Variants in SLC22A15 observed in about 807,000 individuals in gnomAD.
SLC22A15 encodes solute carrier family 22 member 15, also known as flipt 1.
A neutral mutation model predicts 62.7 loss-of-function variants in SLC22A15; 45 were observed. The ratio of observed to expected loss-of-function variants is 0.72; its 90% confidence interval spans 0.56 to 0.92. The LOEUF is 0.92. Among genes scored for constraint, SLC22A15 ranks in the 40% least tolerant of loss-of-function variants. SLC22A15 has a pLI of 0.00. For missense variants in SLC22A15, 622 were observed against 665.6 expected, an observed-to-expected ratio of 0.93 and a Z score of 0.72; for synonymous variants, 264 against 267.0, an observed-to-expected ratio of 0.99 and a Z score of 0.11.
At chr1:115,993,426 A>AGTGTGTGTGT (rs1553216968) in intron 2 of SLC22A15, among the ~76,000 whole-genome samples, 15 of 123,056 alleles carry the variant, frequency 1.2e-4, no homozygotes, top group African/African-American at 5.5e-4. Context: ...TGAGTGTGTG[A>AGTGTGTGTGT]GAGTGTGTGT....
At chr1:115,985,961 AAAGAG>A (rs997639637) in intron 1 of SLC22A15, among the ~76,000 whole-genome samples, 16 of 151,668 alleles carry the variant, frequency 1.1e-4, no homozygotes, top group African/African-American at 3.9e-4. Context: ...AAAAAAAAAA[AAAGAG>A]AGAGAAACAG....
chr1:116,019,922 G>T (rs980034935), intron 3 of SLC22A15, among the ~76,000 whole-genome samples: 1 of 152,204 alleles, frequency 6.6e-6, no homozygotes, highest in Non-Finnish European at 1.5e-5. Context: ...CCTAGTTAAA[G>T]TCAGATATTT....
intron 8 of SLC22A15, among the ~76,000 whole-genome samples, chr1:116,057,370 C>G (rs1052089124): frequency 6.6e-6 from 1 of 151,744 alleles, no homozygotes. Flanking sequence ...CCATCTCACA[C>G]CAGTTAGAAT....
intron 4 of SLC22A15, among the ~76,000 whole-genome samples, chr1:116,021,493 T>C (rs1656835525): frequency 6.6e-6 from 1 of 152,246 alleles, no homozygotes; most frequent in Non-Finnish European, 1.5e-5. Flanking sequence ...TCTAAGACTT[T>C]ATAGACTTAG....
At chr1:116,036,082 G>T (rs1657620736) in intron 7 of SLC22A15, among the ~76,000 whole-genome samples, 1 of 152,130 alleles carries the variant, frequency 6.6e-6, no homozygotes, top group Non-Finnish European at 1.5e-5. Flanking sequence ...GGCAGGTTTG[G>T]ATTCTGTTAA....
In SLC22A15 at chr1:116,032,527, C is replaced by T. The variant is rs890882696; in HGVS notation, c.944+946C>T. 6.1e-6 allele frequency: 6 copies of T among 985,282 alleles called. No homozygotes were observed. In the African/African-American group the frequency reaches 8.7e-5, roughly 14 times the overall value. The allele number at this position is 985,282 out of a possible 1,614,324, so 61.0% of individuals were successfully genotyped here. ...TGTATAAAGCTACAAAGAATAGTAG[C>T]TTTAGAATAAGAAGCTGCAAAGATA... On this transcript the variant is annotated intron_variant, in intron 6 of 11. Coordinates refer to ENST00000369503, the MANE Select transcript of SLC22A15 (RefSeq NM_018420.3).
chr1:116,024,637 A>T (rs187754406), intron 4 of SLC22A15, among the ~76,000 whole-genome samples: 9 of 152,212 alleles, frequency 5.9e-5, no homozygotes, highest in East Asian at 1.9e-4. Flanking sequence ...ATAAGGGAAA[A>T]TCATTTGGTT....
intron 1 of SLC22A15, among the ~76,000 whole-genome samples, chr1:115,977,705 C>T (rs1654385869): frequency 1.3e-5 from 2 of 152,142 alleles, no homozygotes; most frequent in African/African-American, 4.8e-5. Context: ...GCGGGTGGGG[C>T]AGGCAGACAG....
intron 8 of SLC22A15, among the ~76,000 whole-genome samples, chr1:116,043,661 A>G (rs969366961): frequency 6.6e-6 from 1 of 152,174 alleles, no homozygotes; most frequent in Non-Finnish European, 1.5e-5. Context: ...CAATGGAATG[A>G]AAACAAACAA....
Position 116,031,375 on chromosome 1 carries a change from T to G in SLC22A15, c.738T>G (p.Pro246=), listed in dbSNP as rs775576519. Residue 246 remains proline (P), a synonymous_variant, in exon 6 of 12, where the codon CCT becomes CCG. Coordinates refer to ENST00000369503, the MANE Select transcript of SLC22A15 (RefSeq NM_018420.3). ...ATGACATCTCTTTCAGATTCATTCC[T>G]GAATCACCTCGTTGGTTATACTCCC... The part of the protein sequence containing the change: ...TVVFLLSLFI[P]ESPRWLYSQG... 1 of 1,612,964 alleles carries G rather than the reference T, an allele frequency of 6.2e-7. No individual in the cohort carries two copies. Among genetic ancestry groups the G allele is most frequent in the South Asian group, 1.1e-5 (1 of 91,002 alleles).
intron 2 of SLC22A15, among the ~76,000 whole-genome samples, chr1:116,019,368 A>G (rs1656703461): frequency 1.3e-5 from 2 of 152,230 alleles, no homozygotes; most frequent in South Asian, 4.1e-4. Context: ...TGTATAGAGT[A>G]CTGTGGGAGT....
rs962394336 is a variant in SLC22A15, at chr1:116,069,760, A to C, written c.*2652A>C. 1 of 152,218 alleles carries C rather than the reference A, an allele frequency of 6.6e-6. No individual in the cohort carries two copies. Among genetic ancestry groups the C allele is most frequent in the Non-Finnish European group, 1.5e-5 (1 of 68,034 alleles). The allele number at this position is 152,218 out of a possible 1,614,324, so 9.4% of individuals were successfully genotyped here. A position where few individuals can be genotyped will look rare whatever the true frequency, so the allele number is the denominator to read the frequency against. ...AAAATGAGGCAAATAAATGAAGAAA[A>C]TGAGTTTCTGAGACACTGTTTAGGT... is the stretch of plus-strand genomic sequence containing the variant. On this transcript the variant is annotated 3_prime_UTR_variant, in exon 12 of 12. Transcript: ENST00000369503.
intron 10 of SLC22A15, 89 bp downstream of exon 10, chr1:116,064,597 G>A: frequency 1.2e-6 from 1 of 868,942 alleles, no homozygotes. Context: ...ATGAACAGAT[G>A]TCATTTAAGA....
At chr1:116,015,090 G>A (rs1231410831) in intron 2 of SLC22A15, 1 of 152,100 alleles carries the variant, frequency 6.6e-6, no homozygotes, top group Non-Finnish European at 1.5e-5. Flanking sequence ...TTAAAATTGG[G>A]CAAAACAAAA....
At chr1:116,033,152 T>C (rs887292058) in intron 6 of SLC22A15, among the ~76,000 whole-genome samples, 2 of 152,218 alleles carry the variant, frequency 1.3e-5, no homozygotes, top group Non-Finnish European at 2.9e-5. Flanking sequence ...TCTCTGTGGA[T>C]CTGTCATTCA....
intron 1 of SLC22A15, among the ~76,000 whole-genome samples, chr1:115,977,430 C>T (rs1227654770): frequency 6.6e-6 from 1 of 152,230 alleles, no homozygotes; most frequent in East Asian, 1.9e-4. Context: ...ATATCGATTC[C>T]ATATGCGAAA....
At position 116,068,472 on chromosome 1, in the gene SLC22A15, A is replaced by C. The variant is rs1478981790; in HGVS notation, c.*1364A>C. The stretch of plus-strand genomic sequence containing the variant: ...ACCCCAATTGGCTCCAAATACTGTC[A>C]TGTTTTCTTGCACACTGACTTCTGG... On this transcript the variant is annotated 3_prime_UTR_variant, in exon 12 of 12. Coordinates refer to ENST00000369503, the MANE Select transcript of SLC22A15 (RefSeq NM_018420.3). The C allele has an allele frequency of 1.3e-5, 2 of 152,354 alleles. No homozygotes were observed. The highest frequency in any genetic ancestry group is 2.4e-5 in the African/African-American group (1 of 41,442). The allele number at this position is 152,354 out of a possible 1,614,324, so 9.4% of individuals were successfully genotyped here. A position where few individuals can be genotyped will look rare whatever the true frequency, so the allele number is the denominator to read the frequency against.
In SLC22A15 at chr1:116,068,100, T is replaced by C. The variant is rs1238847459; in HGVS notation, c.*992T>C. 6.5e-6 allele frequency: 1 copy of C among 152,686 alleles called. No homozygotes were observed. The allele number at this position is 152,686 out of a possible 1,614,324, so 9.5% of individuals were successfully genotyped here. A position where few individuals can be genotyped will look rare whatever the true frequency, so the allele number is the denominator to read the frequency against. On this transcript the variant is annotated 3_prime_UTR_variant, in exon 12 of 12. Coordinates refer to ENST00000369503, the MANE Select transcript of SLC22A15 (RefSeq NM_018420.3). The stretch of plus-strand genomic sequence containing the variant: ...GACAATATTTAAGAACTTCTTGTCC[T>C]AGATCAGCCCCAATCTGTTTAATCA...
chr1:116,028,115 C>T (rs558727262), intron 5 of SLC22A15, among the ~76,000 whole-genome samples: 13 of 152,112 alleles, frequency 8.5e-5, no homozygotes, highest in South Asian at 2.1e-4. Flanking sequence ...ACTCTTTATC[C>T]GGGGTCTAAA....
Sources: gnomAD v4.1 joint callset for allele counts (sites outside exome capture counted in the v4.1 genomes callset) on GRCh38, gnomAD v4.1.1 for gene constraint, MANE v1.5 for transcripts, NCBI Gene and HGNC (gene_info 2026-07-23, HGNC 2026-07-21) for gene names.